The following DISC1 variants were observed in gnomAD, a reference collection of about 807,000 sequenced individuals.
DISC1 encodes the protein DISC1 scaffold protein, also known as disrupted in schizophrenia 1 protein.
A neutral mutation model predicts 84.5 loss-of-function variants in DISC1; 57 were observed. That is an observed-to-expected ratio of 0.67 (90% CI 0.55 to 0.84). The LOEUF is 0.84. Ranked by LOEUF, DISC1 falls within the 40% of genes least tolerant of loss-of-function variation. DISC1 has a pLI of 0.00. For missense variants in DISC1, 1,000 were observed against 1,057.8 expected (o/e 0.95, Z 0.76); for synonymous variants, 411 against 415.2 (o/e 0.99, Z 0.12).
intron 12 of DISC1, among the ~76,000 whole-genome samples, chr1:232,026,876 G>A (rs1572683191): frequency 6.7e-6 from 1 of 149,404 alleles, no homozygotes; most frequent in Non-Finnish European, 1.5e-5. Flanking sequence ...AGCCTCCTGA[G>A]TAGCTGGGAT....
At chr1:231,958,578 G>A (rs78092583) in intron 9 of DISC1, among the ~76,000 whole-genome samples, 2,656 of 152,318 alleles carry the variant, frequency 0.017, 60 homozygotes, top group African/African-American at 0.059. Flanking sequence ...AAAGACTACA[G>A]CAAGGCTGGC....
intron 9 of DISC1, among the ~76,000 whole-genome samples, chr1:231,851,630 C>T (rs938710271): frequency 1.2e-4 from 18 of 152,228 alleles, no homozygotes; most frequent in Middle Eastern, 3.4e-3. Context: ...AAGGCTGTGG[C>T]GGAGACAGAG....
At chr1:231,930,671 A>G (rs183837263) in intron 9 of DISC1, among the ~76,000 whole-genome samples, 9 of 152,232 alleles carry the variant, frequency 5.9e-5, no homozygotes, top group Admixed American at 2.6e-4. Flanking sequence ...CTATGACTTC[A>G]TATTCCTGAG....
intron 9 of DISC1, among the ~76,000 whole-genome samples, chr1:231,921,808 CT>C (rs11288115): frequency 0.014 from 1,700 of 120,170 alleles, 25 homozygotes; most frequent in African/African-American, 0.047. Context: ...CACTAGTTAC[CT>C]TTTTTTTTTT....
intron 9 of DISC1, among the ~76,000 whole-genome samples, chr1:231,830,420 T>C (rs150365622): frequency 0.027 from 4,037 of 152,294 alleles, 169 homozygotes; most frequent in African/African-American, 0.09. Flanking sequence ...TGGGAGGACC[T>C]AGGACATCTA....
intron 10 of DISC1, among the ~76,000 whole-genome samples, chr1:231,989,135 G>C (rs1664853739): frequency 6.6e-6 from 1 of 152,188 alleles, no homozygotes; most frequent in South Asian, 2.1e-4. Flanking sequence ...TTTAGGGACT[G>C]GTGGGTACAA....
At chr1:231,758,722 C>G (rs765615105) in intron 4 of DISC1, among the ~76,000 whole-genome samples, 29 of 152,174 alleles carry the variant, frequency 1.9e-4, no homozygotes, top group Non-Finnish European at 5.9e-5. Context: ...TCCATCCAAT[C>G]AAAGGAAAGT....
rs770545094 is a variant in DISC1 at position 232,026,439 on chromosome 1, C to A, written c.2312C>A (p.Ser771Tyr). The part of the protein sequence containing the change: ...HCAGGEQKEE[S>Y]YILSAELGEK... ...TTGTTTTCCCCCTCTCGCCAGGAATCTTACATCCTTTCTGCAGAACTTGGA... is the reference window on the plus strand; with the variant it reads ...TTGTTTTCCCCCTCTCGCCAGGAATATTACATCCTTTCTGCAGAACTTGGA... The change falls in exon 12 of 13, where the codon TCT becomes TAT. Residue 771 changes from serine to tyrosine, a missense_variant. Ser to Tyr is a moderately radical substitution (Grantham distance 144, BLOSUM62 -2). Transcript: ENST00000439617. The A allele has an allele frequency of 1.3e-6, 2 of 1,599,238 alleles. No homozygotes were observed. The highest frequency in any genetic ancestry group is 1.7e-6 in the Non-Finnish European group (2 of 1,171,872).
intron 9 of DISC1, among the ~76,000 whole-genome samples, chr1:231,847,056 A>G (rs974894513): frequency 3.9e-5 from 6 of 152,242 alleles, no homozygotes; most frequent in African/African-American, 1.4e-4. Context: ...CTACTGCCAC[A>G]GAAAACCACA....
chr1:231,771,549 A>C (rs1400198216), intron 6 of DISC1: 1 of 985,320 alleles, frequency 1.0e-6, no homozygotes, highest in South Asian at 4.7e-5. Flanking sequence ...GGTGCTTACC[A>C]TGTACCAGGC....
chr1:231,956,143 C>A (rs1572333582), intron 9 of DISC1, among the ~76,000 whole-genome samples: 1 of 152,194 alleles, frequency 6.6e-6, no homozygotes, highest in Non-Finnish European at 1.5e-5. Flanking sequence ...AGATTCTGAA[C>A]AAACAGCCAT....
At chr1:231,962,495 A>G (rs1175232723) in intron 10 of DISC1, among the ~76,000 whole-genome samples, 1 of 152,180 alleles carries the variant, frequency 6.6e-6, no homozygotes, top group African/African-American at 2.4e-5. Context: ...ATCCAAAACA[A>G]TCCTGAGCAA....
chr1:231,793,329 A>G (rs1322783), intron 6 of DISC1, among the ~76,000 whole-genome samples: 129,924 of 152,144 alleles, frequency 0.85, 55,559 homozygotes, highest in South Asian at 0.9. Context: ...TCTAGCATCT[A>G]TTACATTTTC....
At chr1:231,787,639 A>G (rs1478551839) in intron 6 of DISC1, among the ~76,000 whole-genome samples, 1 of 152,208 alleles carries the variant, frequency 6.6e-6, no homozygotes, top group African/African-American at 2.4e-5. Context: ...TGAATTCTGG[A>G]GGACACATTG....
intron 1 of DISC1, among the ~76,000 whole-genome samples, chr1:231,639,153 G>A (rs1458636002): frequency 6.6e-6 from 1 of 152,106 alleles, no homozygotes; most frequent in Non-Finnish European, 1.5e-5. Flanking sequence ...AGGAGCACAA[G>A]GCACTTGTCT....
At chr1:231,942,940 A>C (rs1572223394) in intron 9 of DISC1, among the ~76,000 whole-genome samples, 1 of 152,144 alleles carries the variant, frequency 6.6e-6, no homozygotes, top group East Asian at 1.9e-4. Flanking sequence ...AAAAGGTTGA[A>C]ATTCAGCCCC....
At chr1:231,652,758 G>C (rs191903728) in intron 1 of DISC1, among the ~76,000 whole-genome samples, 1 of 152,228 alleles carries the variant, frequency 6.6e-6, no homozygotes, top group East Asian at 1.9e-4. Context: ...ATGTCAACCA[G>C]TATGACTTTA....
At chr1:231,896,112 A>G (rs770654142) in intron 9 of DISC1, among the ~76,000 whole-genome samples, 3 of 152,106 alleles carry the variant, frequency 2.0e-5, no homozygotes, top group Non-Finnish European at 4.4e-5. Context: ...TATGAGTTTC[A>G]TCGTACCAAT....
chr1:231,990,095 C>T (rs1471422695), intron 10 of DISC1, among the ~76,000 whole-genome samples: 3 of 152,096 alleles, frequency 2.0e-5, no homozygotes, highest in Admixed American at 6.5e-5. Flanking sequence ...CATGTCCATC[C>T]TCACATCACT....
Sources: allele counts gnomAD v4.1 joint callset (sites outside exome capture counted in the v4.1 genomes callset), GRCh38; gene constraint gnomAD v4.1.1; transcripts MANE v1.5; gene names NCBI Gene and HGNC (gene_info 2026-07-23, HGNC 2026-07-21).